FMN1: variants seen among roughly 807,000 people sequenced by gnomAD.
FMN1 encodes formin 1.
Under a neutral mutation model 132.4 loss-of-function variants are expected in FMN1, and 110 were observed. The observed-to-expected ratio is 0.83, with a 90% CI of 0.71 to 0.97. The LOEUF is 0.97. FMN1 is among the 50% of genes least tolerant of loss of function. The probability of loss-of-function intolerance (pLI) is 0.00; values close to 1 mark genes in which losing one functional copy is unlikely to be tolerated. For missense variants in FMN1, 1,792 were observed against 1,705.3 expected (o/e 1.05, Z -0.90); for synonymous variants, 722 against 651.7 (o/e 1.11, Z -1.64).
intron 16 of FMN1, among the ~76,000 whole-genome samples, chr15:32,882,086 A>T (rs2141445840): frequency 6.6e-6 from 1 of 152,326 alleles, no homozygotes; most frequent in Non-Finnish European, 1.5e-5. Context: ...TACAATAGGC[A>T]GACTGGTTGA....
chr15:32,930,439 TGACAC>T, intron 9 of FMN1, among the ~76,000 whole-genome samples: 1 of 152,002 alleles, frequency 6.6e-6, no homozygotes, highest in African/African-American at 2.4e-5. Context: ...GTGGCCATTC[TGACAC>T]GTGTGAGGGG....
At chr15:33,099,653 C>T (rs2039218815) in intron 4 of FMN1, among the ~76,000 whole-genome samples, 1 of 152,108 alleles carries the variant, frequency 6.6e-6, no homozygotes, top group South Asian at 2.1e-4. Flanking sequence ...TCAATAAATG[C>T]ATATTAGATT....
At chr15:33,014,359 T>C (rs10519771) in intron 6 of FMN1, among the ~76,000 whole-genome samples, 15,637 of 152,204 alleles carry the variant, frequency 0.1, 1,088 homozygotes, top group Middle Eastern at 0.19. Context: ...ACCAAGGATG[T>C]GTGTATTTGT....
intron 7 of FMN1, among the ~76,000 whole-genome samples, chr15:32,970,211 T>C (rs933801477): frequency 3.3e-5 from 5 of 152,230 alleles, no homozygotes; most frequent in South Asian, 2.1e-4. Context: ...GAGTCTGTAA[T>C]TGTACACTTA....
rs543455085 is a variant in FMN1, at chr15:33,074,913, C to T, written c.2044-9839G>A. ...GTGTGCGCCTGTAGTCCCAGCTACT[C>T]GGGAGGCTGAGGCAGGAGAATCGCT... On this transcript the variant is annotated intron_variant, in intron 5 of 20. Transcript: ENST00000616417. Among the ~76,000 whole-genome samples, 8 of 143,140 alleles carry T rather than the reference C, an allele frequency of 5.6e-5. No homozygotes were observed. In the East Asian group the frequency reaches 1.5e-3, roughly 27 times the overall value. 93.9% of individuals were successfully genotyped at this position (143,140 alleles called of 152,430 possible).
At chr15:33,105,566 C>T (rs978966313) in intron 4 of FMN1, among the ~76,000 whole-genome samples, 59 of 152,218 alleles carry the variant, frequency 3.9e-4, no homozygotes, top group African/African-American at 1.4e-3. Context: ...TGGGTAATGA[C>T]TGGGGAAAGG....
At chr15:32,794,749 A>G (rs918890709) in intron 19 of FMN1, among the ~76,000 whole-genome samples, 12 of 152,238 alleles carry the variant, frequency 7.9e-5, no homozygotes, top group Non-Finnish European at 1.8e-4. Context: ...GTACAAATAC[A>G]AAAGTGCATT....
At chr15:32,800,508 A>G (rs948182187) in intron 18 of FMN1, among the ~76,000 whole-genome samples, 2 of 152,188 alleles carry the variant, frequency 1.3e-5, no homozygotes, top group Non-Finnish European at 2.9e-5. Flanking sequence ...ACTTTATTTC[A>G]CTCAAATGAA....
chr15:33,135,733 A>G (rs1485706053), intron 4 of FMN1, among the ~76,000 whole-genome samples: 14 of 152,226 alleles, frequency 9.2e-5, no homozygotes, highest in Admixed American at 9.2e-4. Context: ...CAATGTTCTT[A>G]AAATATACTA....
At chr15:33,180,346 T>C (rs527742748) in intron 2 of FMN1, 84 bp from the exon 3 acceptor site, 12 of 152,272 alleles carry the variant, frequency 7.9e-5, no homozygotes, top group Non-Finnish European at 1.6e-4. Context: ...GTTTCTTATA[T>C]ATATTAGGTG....
intron 10 of FMN1, among the ~76,000 whole-genome samples, chr15:32,921,670 C>CTT (rs374598630): frequency 1.8e-5 from 2 of 111,698 alleles, no homozygotes; most frequent in African/African-American, 4.7e-5. Context: ...CCAGCTGTGT[C>CTT]TTTTTTTTCT....
At chr15:32,935,145 A>T (rs947130663) in intron 9 of FMN1, among the ~76,000 whole-genome samples, 2 of 150,226 alleles carry the variant, frequency 1.3e-5, no homozygotes, top group African/African-American at 4.9e-5. Context: ...CTGGTCTCAA[A>T]CTCCTGACCT....
intron 15 of FMN1, among the ~76,000 whole-genome samples, chr15:32,898,255 A>C (rs2060207028): frequency 1.3e-5 from 2 of 152,200 alleles, no homozygotes; most frequent in Admixed American, 1.3e-4. Context: ...TTAACATCTT[A>C]CAACAATACC....
intron 3 of FMN1, among the ~76,000 whole-genome samples, chr15:33,157,580 A>G (rs370353546): frequency 6.5e-4 from 99 of 152,226 alleles, no homozygotes; most frequent in Middle Eastern, 6.8e-3. Flanking sequence ...TTCTACTAAC[A>G]AACTGGTTTT....
At chr15:33,140,825 G>A (rs1192115508) in intron 4 of FMN1, among the ~76,000 whole-genome samples, 1 of 152,096 alleles carries the variant, frequency 6.6e-6, no homozygotes, top group Non-Finnish European at 1.5e-5. Flanking sequence ...GAAAAGAAAG[G>A]TAGAATATAA....
chr15:33,096,793 G>C (rs2039102009), intron 4 of FMN1, among the ~76,000 whole-genome samples: 1 of 152,020 alleles, frequency 6.6e-6, no homozygotes, highest in South Asian at 2.1e-4. Flanking sequence ...TTTGGATTTT[G>C]GTTTTACCAT....
At chr15:32,864,258 A>G (rs1384708143) in intron 16 of FMN1, among the ~76,000 whole-genome samples, 3 of 152,210 alleles carry the variant, frequency 2.0e-5, no homozygotes, top group Non-Finnish European at 4.4e-5. Flanking sequence ...AGTATTTTAA[A>G]TCTTGGCAGG....
chr15:32,888,391 G>A (rs148127834), intron 15 of FMN1, 99 bp from the exon 16 acceptor site: 8 of 1,090,040 alleles, frequency 7.3e-6, no homozygotes, highest in African/African-American at 4.7e-5. Context: ...CTTTTTTATT[G>A]GATGTCTGAG....
At chr15:33,005,752 C>T (rs12591390) in intron 7 of FMN1, among the ~76,000 whole-genome samples, 23,921 of 152,182 alleles carry the variant, frequency 0.16, 2,949 homozygotes, top group East Asian at 0.67. Flanking sequence ...AGAATCACTT[C>T]TGTTCCTGCC....
Sources: gnomAD v4.1 joint callset for allele counts (sites outside exome capture counted in the v4.1 genomes callset) on GRCh38, gnomAD v4.1.1 for gene constraint, MANE v1.5 for transcripts, NCBI Gene and HGNC (gene_info 2026-07-23, HGNC 2026-07-21) for gene names.